The following ATP12A variants were observed in gnomAD, a reference collection of about 807,000 sequenced individuals.
The protein encoded by ATP12A is potassium-transporting ATPase alpha chain 2.
A neutral mutation model predicts 111.2 loss-of-function variants in ATP12A; 81 were observed. The ratio of observed to expected loss-of-function variants is 0.73; its 90% CI spans 0.61 to 0.88. The LOEUF is 0.88. Ranked by LOEUF, ATP12A falls within the 40% of genes least tolerant of loss-of-function variation. ATP12A has a pLI of 0.00. For missense variants in ATP12A, 1,196 were observed against 1,313.1 expected, an observed-to-expected ratio of 0.91 and a Z score of 1.38; for synonymous variants, 498 against 499.8, an observed-to-expected ratio of 1.00 and a Z score of 0.05.
At chr13:24,693,966 C>A (rs1185805642) in intron 10 of ATP12A, among the ~76,000 whole-genome samples, 1 of 152,124 alleles carries the variant, frequency 6.6e-6, no homozygotes, top group Non-Finnish European at 1.5e-5. Context: ...CTTTTATAGT[C>A]ACTTAACTTT....
At chr13:24,682,041 T>TG in intron 2 of ATP12A, among the ~76,000 whole-genome samples, 1 of 122,236 alleles carries the variant, frequency 8.2e-6, no homozygotes, top group African/African-American at 3.2e-5. Context: ...TGTGTGTATG[T>TG]GTGTGGTGTG....
In ATP12A at chr13:24,680,530, G is replaced by A. The variant is rs1298696310; in HGVS notation, c.-214G>A. The stretch of plus-strand genomic sequence containing the variant: ...CCTGGCGGGGACGTGGGCGGGGCGG[G>A]CGGCATTTAAGGCTGGTGCCACCTC... On this transcript the variant is annotated 5_prime_UTR_variant, in exon 1 of 23. Coordinates refer to ENST00000381946, the MANE Select transcript of ATP12A (RefSeq NM_001676.7). 3.0e-5 allele frequency: 15 copies of A among 505,228 alleles called. No homozygotes were observed. Among genetic ancestry groups the A allele is most frequent in the Admixed American group, 4.5e-5 (1 of 22,452 alleles). The allele number at this position is 505,228 out of a possible 1,614,324, so 31.3% of individuals were successfully genotyped here. A position where few individuals can be genotyped will look rare whatever the true frequency, so the allele number is the denominator to read the frequency against.
At chr13:24,699,755 C>A (rs1025611006) in intron 12 of ATP12A, among the ~76,000 whole-genome samples, 7 of 152,266 alleles carry the variant, frequency 4.6e-5, no homozygotes, top group Admixed American at 3.3e-4. Flanking sequence ...GTTGTCAGCA[C>A]CAGGGCTGGC....
chr13:24,689,155 C>T (rs1423883483), intron 4 of ATP12A, 107 bp from the exon 5 acceptor site: 2 of 831,808 alleles, frequency 2.4e-6, no homozygotes, highest in African/African-American at 3.4e-5. Context: ...TAAATTATAC[C>T]AGGGCGTAAC....
intron 11 of ATP12A, among the ~76,000 whole-genome samples, chr13:24,698,126 C>T (rs9553426): frequency 0.057 from 8,727 of 152,048 alleles, 334 homozygotes; most frequent in East Asian, 0.19. Context: ...TCCTGTGACT[C>T]GGCTGTCTTC....
intron 14 of ATP12A, among the ~76,000 whole-genome samples, chr13:24,704,998 CTTTTGTTTTG>C (rs769625215): frequency 1.8e-3 from 275 of 152,182 alleles, no homozygotes; most frequent in Non-Finnish European, 3.5e-3. Flanking sequence ...CTCTTACTTT[CTTTTGTTTTG>C]TTTTGTTTTG....
Position 24,709,696 on chromosome 13 carries a change from C to G in ATP12A, c.2631C>G (p.Ala877=). Residue 877 remains alanine, a synonymous_variant, in exon 19 of 23, where the codon GCC becomes GCG. Coordinates refer to ENST00000381946, the MANE Select transcript of ATP12A (RefSeq NM_001676.7). ...YSYLHIGLMQ[A]LGAFLVYFTV... is the part of the protein sequence containing the mutation. Reference sequence around the variant, plus strand: ...TTGTTCTTTCAGGCCTCATGCAAGCCCTGGGAGCTTTCCTTGTGTATTTCA... The same window carrying G: ...TTGTTCTTTCAGGCCTCATGCAAGCGCTGGGAGCTTTCCTTGTGTATTTCA... The G allele has an allele frequency of 6.2e-7, 1 of 1,614,178 alleles. No individual in the cohort carries two copies. Among genetic ancestry groups the G allele is most frequent in the Non-Finnish European group, 8.5e-7 (1 of 1,180,028 alleles).
chr13:24,711,169 C>A (rs999497156), intron 21 of ATP12A, 149 bp from the exon 22 acceptor site: 18 of 802,276 alleles, frequency 2.2e-5, no homozygotes, highest in African/African-American at 1.2e-4. Flanking sequence ...AAACAAGGAG[C>A]TTTCCACCTT....
chr13:24,691,649 TTCC>T (rs1424239133), intron 8 of ATP12A, among the ~76,000 whole-genome samples: 1 of 145,674 alleles, frequency 6.9e-6, no homozygotes, highest in African/African-American at 2.6e-5. Context: ...AAAAAAAAAA[TTCC>T]TCCCATTTTT....
intron 1 of ATP12A, among the ~76,000 whole-genome samples, chr13:24,681,307 A>C (rs1874421228): frequency 1.3e-5 from 2 of 152,134 alleles, no homozygotes; most frequent in South Asian, 4.1e-4. Flanking sequence ...CCACCCAGAG[A>C]AGGGTCACCC....
chr13:24,696,423 GGGGCCGGGCGCGGTGGCTCAC>G (rs1191741478), intron 11 of ATP12A, among the ~76,000 whole-genome samples: 2 of 134,244 alleles, frequency 1.5e-5, no homozygotes, highest in Non-Finnish European at 3.2e-5. Context: ...AGGGGAGAGG[GGGGCCGGGCGCGGTGGCTCAC>G]GCCTGTAATC....
At chr13:24,692,179 T>C (rs977048117) in intron 8 of ATP12A, among the ~76,000 whole-genome samples, 4 of 152,166 alleles carry the variant, frequency 2.6e-5, no homozygotes, top group African/African-American at 9.7e-5. Flanking sequence ...TCCCTTGTTT[T>C]CTTCAAGTCA....
At position 24,693,018 on chromosome 13, in the gene ATP12A, C is replaced by G. The variant is rs552937237; in HGVS notation, c.1377+122C>G. The G allele has an allele frequency of 1.5e-4, 132 of 866,604 alleles. 4 individuals carry two copies. The South Asian group carries it at 2.0e-3, about 13-fold the overall frequency. The allele number at this position is 866,604 out of a possible 1,614,324, so 53.7% of individuals were successfully genotyped here. On this transcript the variant is annotated intron_variant, in intron 10 of 22. Coordinates refer to ENST00000381946, the MANE Select transcript of ATP12A (RefSeq NM_001676.7). ...AAAGTTTGTTCAGTGCTTGCAAGAG[C>G]AAGTCAGACTCACAAGACATCCAGA...
intron 17 of ATP12A, among the ~76,000 whole-genome samples, chr13:24,708,814 G>C (rs1212807417): frequency 6.7e-6 from 1 of 149,722 alleles, no homozygotes; most frequent in Non-Finnish European, 1.5e-5. Flanking sequence ...AAAAGAGAAA[G>C]AAAGAAAGAG....
chr13:24,702,977 G>A (rs1193460745), intron 14 of ATP12A, among the ~76,000 whole-genome samples: 1 of 152,194 alleles, frequency 6.6e-6, no homozygotes, highest in African/African-American at 2.4e-5. Flanking sequence ...AAAGACCAAT[G>A]CACCTCTTCA....
rs772341439 is a variant in ATP12A, at chr13:24,681,609, C to T, written c.57C>T (p.Ile19=). The T allele has an allele frequency of 1.2e-6, 2 of 1,614,144 alleles. No homozygotes were observed. The highest frequency in any genetic ancestry group is 1.1e-5 in the South Asian group (1 of 91,078). Residue 19 remains isoleucine, a synonymous_variant, in exon 2 of 23, where the codon ATC becomes ATT. Transcript: ENST00000381946. The part of the protein sequence containing the change: ...YSVELSGTKD[I]VKTDKGDGKE... Reference sequence around the variant, plus strand: ...TGGAGCTCAGCGGAACTAAGGACATCGTGAAAACAGACAAGGGGGATGGCA... The same window carrying T: ...TGGAGCTCAGCGGAACTAAGGACATTGTGAAAACAGACAAGGGGGATGGCA...
At chr13:24,709,257 C>CA in intron 17 of ATP12A, 107 bp from the exon 18 acceptor site, 2 of 366,696 alleles carry the variant, frequency 5.5e-6, no homozygotes, top group Non-Finnish European at 5.1e-6. Flanking sequence ...CAGCTCCATG[C>CA]CCCCCACCCC....
Position 24,710,575 on chromosome 13 carries a change from TC to T in ATP12A, c.2881del (p.Gln961SerfsTer22). On this transcript the variant is annotated frameshift_variant, in exon 20 of 23. Transcript: ENST00000381946. LOFTEE classifies it high-confidence loss of function. ...IIRKTRRNSI[F>X]QQGLFRNKVI... is the part of the protein sequence containing the mutation. ...AGGAAAACCCGGAGGAATTCCATCT[TC>T]CAGCAGGGTCTCTTCAGGTACTGCC... The T allele has an allele frequency of 3.1e-6, 5 of 1,614,196 alleles. No individual in the cohort carries two copies. The highest frequency in any genetic ancestry group is 1.3e-5 in the African/African-American group (1 of 75,056).
rs192052136 is a variant in ATP12A, at chr13:24,707,490, A to G, written c.2493+57A>G. ...GCCTGCCCCAGGGGAGGTCAAGTTC[A>G]GGGTCGCTACCTTCAAGGGCCGGGG... On this transcript the variant is annotated intron_variant, in intron 17 of 22. Transcript: ENST00000381946. The G allele has an allele frequency of 1.2e-3, 1,849 of 1,605,570 alleles. 1 individual carries two copies. The highest frequency in any genetic ancestry group is 1.3e-3 in the Non-Finnish European group (1,499 of 1,174,294).
Sources: allele counts gnomAD v4.1 joint callset (sites outside exome capture counted in the v4.1 genomes callset), GRCh38; gene constraint gnomAD v4.1.1; transcripts MANE v1.5; gene names NCBI Gene and HGNC (gene_info 2026-07-23, HGNC 2026-07-21).